CCBE1: variants seen among roughly 807,000 people sequenced by gnomAD.
CCBE1 encodes collagen and calcium binding EGF domains 1.
A neutral mutation model predicts 50.0 loss-of-function variants in CCBE1; 37 were observed. The ratio of observed to expected loss-of-function variants is 0.74; its 90% CI spans 0.57 to 0.97. The LOEUF (loss-of-function observed/expected upper bound fraction) is 0.97, where lower values mean the gene tolerates loss of function less well. Ranked by LOEUF, CCBE1 falls within the 50% of genes least tolerant of loss-of-function variation. The probability of loss-of-function intolerance (pLI) is 0.00; values close to 1 mark genes in which losing one functional copy is unlikely to be tolerated. For missense variants in CCBE1, 538 were observed against 523.8 expected (o/e 1.03, Z -0.26); for synonymous variants, 234 against 203.7 (o/e 1.15, Z -1.27).
At chr18:59,536,208 C>A (rs1235623283) in intron 2 of CCBE1, among the ~76,000 whole-genome samples, 2 of 152,238 alleles carry the variant, frequency 1.3e-5, no homozygotes, top group Non-Finnish European at 2.9e-5. Context: ...TCAAATCGAT[C>A]TTTATGAGCT....
chr18:59,616,633 T>G (rs1019607904), intron 2 of CCBE1, among the ~76,000 whole-genome samples: 1 of 152,150 alleles, frequency 6.6e-6, no homozygotes, highest in Admixed American at 6.5e-5. Context: ...AAGACCCCAG[T>G]TGCCTTTATG....
chr18:59,505,253 C>T (rs1913817284), intron 2 of CCBE1, among the ~76,000 whole-genome samples: 1 of 152,170 alleles, frequency 6.6e-6, no homozygotes, highest in Admixed American at 6.5e-5. Context: ...TCTTCCTTTG[C>T]CAAAGGACCA....
intron 10 of CCBE1, 99 bp from the exon 11 acceptor site, chr18:59,436,240 A>C: frequency 7.8e-6 from 8 of 1,030,378 alleles, no homozygotes; most frequent in Non-Finnish European, 1.2e-5. Context: ...CTACTTTCTC[A>C]ATAACTCTGT....
intron 2 of CCBE1, among the ~76,000 whole-genome samples, chr18:59,583,950 C>T (rs2053134845): frequency 2.0e-5 from 3 of 152,204 alleles, no homozygotes; most frequent in Admixed American, 6.5e-5. Flanking sequence ...GGCGATTCCT[C>T]AGGGATCTAG....
intron 5 of CCBE1, among the ~76,000 whole-genome samples, chr18:59,462,273 C>T (rs932333538): frequency 3.3e-5 from 5 of 152,200 alleles, no homozygotes; most frequent in African/African-American, 4.8e-5. Context: ...CTTGCCTGAA[C>T]GTTGACCAGT....
chr18:59,567,187 CG>C (rs2144472572), intron 2 of CCBE1, among the ~76,000 whole-genome samples: 1 of 150,888 alleles, frequency 6.6e-6, no homozygotes, highest in South Asian at 2.1e-4. Context: ...GGTGTGATCT[CG>C]GCTCACTGTA....
At chr18:59,577,416 C>A (rs1392522209) in intron 2 of CCBE1, among the ~76,000 whole-genome samples, 1 of 152,218 alleles carries the variant, frequency 6.6e-6, no homozygotes, top group Non-Finnish European at 1.5e-5. Flanking sequence ...ACACAAGGGA[C>A]TAGCTTAAGC....
At chr18:59,500,245 C>A (rs2143833751) in intron 2 of CCBE1, among the ~76,000 whole-genome samples, 1 of 152,302 alleles carries the variant, frequency 6.6e-6, no homozygotes, top group East Asian at 1.9e-4. Flanking sequence ...CCCACACATC[C>A]TAGGAGACTG....
At chr18:59,650,075 C>T (rs1211480001) in intron 2 of CCBE1, among the ~76,000 whole-genome samples, 2 of 152,114 alleles carry the variant, frequency 1.3e-5, no homozygotes, top group African/African-American at 2.4e-5. Context: ...CTCCTTCCTC[C>T]ACTTGGTTCC....
At chr18:59,687,526 C>G (rs1396420114) in intron 2 of CCBE1, among the ~76,000 whole-genome samples, 2 of 152,196 alleles carry the variant, frequency 1.3e-5, no homozygotes. Flanking sequence ...GACTTTGTTT[C>G]TCTCACTTCA....
At chr18:59,569,631 CT>C (rs1426229623) in intron 2 of CCBE1, among the ~76,000 whole-genome samples, 19 of 127,542 alleles carry the variant, frequency 1.5e-4, no homozygotes, top group South Asian at 1.4e-3. Context: ...TCCCCCCGCC[CT>C]TTTAAAAAAA....
chr18:59,455,415 T>C (rs1444492140), intron 5 of CCBE1, among the ~76,000 whole-genome samples: 1 of 152,120 alleles, frequency 6.6e-6, no homozygotes, highest in Non-Finnish European at 1.5e-5. Context: ...AGCACAGCAG[T>C]GGGCCGGGAG....
chr18:59,549,493 AAAAT>A (rs1915836300), intron 2 of CCBE1, among the ~76,000 whole-genome samples: 1 of 152,220 alleles, frequency 6.6e-6, no homozygotes, highest in Admixed American at 6.5e-5. Flanking sequence ...GCTGATTTTT[AAAAT>A]AAACTCCATC....
chr18:59,522,282 T>TA (rs1326331288), intron 2 of CCBE1, among the ~76,000 whole-genome samples: 1 of 152,140 alleles, frequency 6.6e-6, no homozygotes, highest in East Asian at 1.9e-4. Context: ...ATGACAACAT[T>TA]AAGTGAAACA....
chr18:59,606,711 A>T (rs911102238), intron 2 of CCBE1, among the ~76,000 whole-genome samples: 12 of 152,188 alleles, frequency 7.9e-5, no homozygotes, highest in Non-Finnish European at 1.0e-4. Flanking sequence ...AGAAGGAAAA[A>T]AAACAACCAA....
chr18:59,547,690 A>G (rs1242844192), intron 2 of CCBE1, among the ~76,000 whole-genome samples: 2 of 152,218 alleles, frequency 1.3e-5, no homozygotes, highest in Non-Finnish European at 2.9e-5. Context: ...GAGTGCTGAC[A>G]GTACTTCTGG....
intron 2 of CCBE1, among the ~76,000 whole-genome samples, chr18:59,576,553 A>G (rs536491510): frequency 6.6e-6 from 1 of 152,354 alleles, no homozygotes; most frequent in Non-Finnish European, 1.5e-5. Context: ...GGACAAAGGC[A>G]TAAGACTAAA....
At chr18:59,582,633 G>T (rs903691498) in intron 2 of CCBE1, among the ~76,000 whole-genome samples, 1 of 152,174 alleles carries the variant, frequency 6.6e-6, no homozygotes, top group Admixed American at 6.5e-5. Flanking sequence ...ACAGCAGCAA[G>T]ATCAGCCCCA....
intron 2 of CCBE1, among the ~76,000 whole-genome samples, chr18:59,661,727 A>G (rs8093765): frequency 0.42 from 63,092 of 151,976 alleles, 14,376 homozygotes; most frequent in African/African-American, 0.61. Flanking sequence ...AAGCACTTTG[A>G]GAGCCCGAGG....
Sources: gnomAD v4.1 joint callset for allele counts (sites outside exome capture counted in the v4.1 genomes callset) on GRCh38, gnomAD v4.1.1 for gene constraint, MANE v1.5 for transcripts, NCBI Gene and HGNC (gene_info 2026-07-23, HGNC 2026-07-21) for gene names.